The following OTUD7A variants were observed in gnomAD, a reference collection of about 807,000 sequenced individuals.
OTUD7A encodes OTU domain-containing protein 7A.
Under a neutral mutation model 65.7 loss-of-function variants are expected in OTUD7A, and 12 were observed. The ratio of observed to expected loss-of-function variants is 0.18; its 90% CI spans 0.12 to 0.30. OTUD7A has a LOEUF of 0.30. Ranked by LOEUF, OTUD7A falls within the 10% of genes least tolerant of loss-of-function variation. The pLI, the probability that OTUD7A is intolerant of heterozygous loss-of-function variation, is 1.00. For synonymous variants in OTUD7A, 641 were observed against 586.3 expected, an observed-to-expected ratio of 1.09 and a Z score of -1.35; for missense variants, 1,148 against 1,304.8, an observed-to-expected ratio of 0.88 and a Z score of 1.85.
At chr15:31,507,358 T>A (rs1261275255) in intron 8 of OTUD7A, among the ~76,000 whole-genome samples, 1 of 152,118 alleles carries the variant, frequency 6.6e-6, no homozygotes, top group Non-Finnish European at 1.5e-5. Flanking sequence ...CTGTATGTTT[T>A]TTTTGTGTGT....
At chr15:31,790,504 G>A (rs2140936634) in intron 1 of OTUD7A, among the ~76,000 whole-genome samples, 1 of 152,120 alleles carries the variant, frequency 6.6e-6, no homozygotes, top group South Asian at 2.1e-4. Flanking sequence ...AAAAGAAGAG[G>A]AAGGAAGGAT....
At chr15:31,824,729 C>T (rs1896760216) in intron 1 of OTUD7A, among the ~76,000 whole-genome samples, 1 of 152,194 alleles carries the variant, frequency 6.6e-6, no homozygotes, top group Admixed American at 6.5e-5. Flanking sequence ...ACATCATTTA[C>T]ATCACATACT....
At chr15:31,834,829 G>T (rs1897016467) in intron 1 of OTUD7A, among the ~76,000 whole-genome samples, 1 of 152,182 alleles carries the variant, frequency 6.6e-6, no homozygotes, top group Non-Finnish European at 1.5e-5. Context: ...ATCCTAAAAG[G>T]GTAATTGCAA....
chr15:31,608,390 A>G (rs1258774221), intron 3 of OTUD7A, among the ~76,000 whole-genome samples: 1 of 152,246 alleles, frequency 6.6e-6, no homozygotes, highest in East Asian at 1.9e-4. Context: ...AAGAGAATAA[A>G]TAAAGTGAAA....
intron 5 of OTUD7A, among the ~76,000 whole-genome samples, chr15:31,536,989 C>G (rs1887822556): frequency 6.6e-6 from 1 of 152,118 alleles, no homozygotes; most frequent in Admixed American, 6.5e-5. Flanking sequence ...GACTCAATCA[C>G]TACACATTAT....
chr15:31,776,300 C>T (rs537957277), intron 1 of OTUD7A, among the ~76,000 whole-genome samples: 11 of 152,340 alleles, frequency 7.2e-5, no homozygotes, highest in African/African-American at 2.4e-4. Flanking sequence ...CCTAACCACT[C>T]GGGCTTTGCG....
intron 3 of OTUD7A, among the ~76,000 whole-genome samples, chr15:31,625,313 T>C (rs974118396): frequency 3.3e-5 from 5 of 151,980 alleles, no homozygotes; most frequent in African/African-American, 7.3e-5. Flanking sequence ...AAATATATGA[T>C]GGTTATCTTA....
intron 1 of OTUD7A, among the ~76,000 whole-genome samples, chr15:31,740,487 A>G (rs377634851): frequency 1.3e-5 from 2 of 152,202 alleles, no homozygotes; most frequent in Non-Finnish European, 1.5e-5. Flanking sequence ...ATGAGTCAGG[A>G]GGCCACTGCC....
intron 1 of OTUD7A, among the ~76,000 whole-genome samples, chr15:31,698,308 T>C (rs897468466): frequency 2.0e-5 from 3 of 152,218 alleles, no homozygotes; most frequent in East Asian, 1.9e-4. Context: ...CCTGGTATCA[T>C]GACCTGTTGA....
At chr15:31,691,187 T>C (rs1892953536) in intron 1 of OTUD7A, among the ~76,000 whole-genome samples, 2 of 152,186 alleles carry the variant, frequency 1.3e-5, no homozygotes, top group African/African-American at 4.8e-5. Flanking sequence ...ACAGATTCAA[T>C]GCAATTCCCA....
intron 3 of OTUD7A, among the ~76,000 whole-genome samples, chr15:31,635,728 A>G (rs919638888): frequency 1.3e-5 from 2 of 152,226 alleles, no homozygotes; most frequent in African/African-American, 4.8e-5. Context: ...TAAATGTGAC[A>G]TGTGAAACCC....
rs187271541 is a variant in OTUD7A, at chr15:31,544,462, C to T, written c.551-13654G>A. On this transcript the variant is annotated intron_variant, in intron 5 of 12. Coordinates refer to ENST00000307050, the MANE Select transcript of OTUD7A (RefSeq NM_001382637.1). The stretch of plus-strand genomic sequence containing the variant: ...GAATGAATATGTGATAGAGAACTTA[C>T]ATGGTCTGTAAAGCCTACAACTAGC... 1.1e-3 allele frequency among the ~76,000 whole-genome samples: 168 copies of T among 151,776 alleles called. 1 individual carries two copies. The highest frequency in any genetic ancestry group is 3.9e-3 in the African/African-American group (163 of 41,502).
intron 1 of OTUD7A, among the ~76,000 whole-genome samples, chr15:31,780,258 G>A (rs975288224): frequency 5.9e-5 from 9 of 151,988 alleles, no homozygotes; most frequent in East Asian, 1.9e-4. Flanking sequence ...AACATTTAAC[G>A]TTCAAACTAG....
chr15:31,749,132 G>A (rs1310025553), intron 1 of OTUD7A, among the ~76,000 whole-genome samples: 3 of 129,292 alleles, frequency 2.3e-5, no homozygotes, highest in Admixed American at 8.7e-5. Context: ...ACCGGGGCCT[G>A]TTGTGGGGTG....
Position 31,649,762 on chromosome 15 carries a change from C to G in OTUD7A, c.151+5334G>C, listed in dbSNP as rs146229839. On this transcript the variant is annotated intron_variant, in intron 3 of 12. Transcript: ENST00000307050. ...CCACCCTCTGTCCCACTGGGTGCAG[C>G]CGGGACCCCTGGACAGCGTGCAGGC... 5 of 445,894 alleles carry G rather than the reference C, an allele frequency of 1.1e-5. No homozygotes were observed. In the Admixed American group the frequency reaches 1.2e-4, roughly 11 times the overall value. The allele number at this position is 445,894 out of a possible 1,614,324, so 27.6% of individuals were successfully genotyped here. A position where few individuals can be genotyped will look rare whatever the true frequency, so the allele number is the denominator to read the frequency against.
chr15:31,546,283 A>C (rs1888128679), intron 5 of OTUD7A, among the ~76,000 whole-genome samples: 1 of 152,342 alleles, frequency 6.6e-6, no homozygotes, highest in East Asian at 1.9e-4. Context: ...TTTTATTATA[A>C]TAATGACAAA....
At chr15:31,771,551 G>A (rs553423770) in intron 1 of OTUD7A, among the ~76,000 whole-genome samples, 20 of 152,064 alleles carry the variant, frequency 1.3e-4, no homozygotes, top group Non-Finnish European at 2.6e-4. Context: ...ATGAATGCAC[G>A]TCTACTACAC....
intron 1 of OTUD7A, among the ~76,000 whole-genome samples, chr15:31,822,693 T>C (rs1282535246): frequency 6.6e-6 from 1 of 152,204 alleles, no homozygotes; most frequent in Non-Finnish European, 1.5e-5. Flanking sequence ...CTTTCTTACA[T>C]AAGAGAGATC....
intron 1 of OTUD7A, among the ~76,000 whole-genome samples, chr15:31,713,040 C>T (rs533510609): frequency 6.6e-6 from 1 of 152,276 alleles, no homozygotes; most frequent in South Asian, 2.1e-4. Context: ...TACTGACATT[C>T]TGTTGCATGT....
Sources: allele counts gnomAD v4.1 joint callset (sites outside exome capture counted in the v4.1 genomes callset), GRCh38; gene constraint gnomAD v4.1.1; transcripts MANE v1.5; gene names NCBI Gene and HGNC (gene_info 2026-07-23, HGNC 2026-07-21).